Variants in DNAAF9 observed in about 807,000 individuals in gnomAD.
DNAAF9 encodes dynein axonemal assembly factor 9, also known as shulin.
A neutral mutation model predicts 167.0 loss-of-function variants in DNAAF9; 90 were observed. The ratio of observed to expected loss-of-function variants is 0.54; its 90% CI spans 0.45 to 0.64. The LOEUF (loss-of-function observed/expected upper bound fraction) is 0.64. Ranked by LOEUF, DNAAF9 falls within the 30% of genes least tolerant of loss-of-function variation. The pLI is 0.00. For missense variants in DNAAF9, 1,315 were observed against 1,442.2 expected (o/e 0.91, Z 1.43); for synonymous variants, 491 against 508.8 (o/e 0.96, Z 0.47).
chr20:3,394,670 A>G (rs239485), intron 1 of DNAAF9, among the ~76,000 whole-genome samples: 113,198 of 152,098 alleles, frequency 0.74, 42,324 homozygotes, highest in African/African-American at 0.82. Flanking sequence ...AGGAATGACT[A>G]TTCCAAGATC....
chr20:3,397,318 G>GCTTTGTT (rs2083923138), intron 1 of DNAAF9, among the ~76,000 whole-genome samples: 1 of 142,100 alleles, frequency 7.0e-6, no homozygotes, highest in African/African-American at 2.7e-5. Flanking sequence ...TTTTTGTTTT[G>GCTTTGTT]TTTTGTTTTT....
At chr20:3,351,118 C>G (rs1331189796) in intron 7 of DNAAF9, among the ~76,000 whole-genome samples, 1 of 152,114 alleles carries the variant, frequency 6.6e-6, no homozygotes, top group African/African-American at 2.4e-5. Flanking sequence ...CTGATTAAAC[C>G]TCTAGATTCA....
intron 23 of DNAAF9, chr20:3,295,836 A>T: frequency 1.1e-6 from 1 of 924,734 alleles, no homozygotes; most frequent in South Asian, 1.3e-5. Context: ...TCAGTAAACA[A>T]AGAGTTTAAT....
At chr20:3,293,450 C>T (rs367705979) in intron 25 of DNAAF9, among the ~76,000 whole-genome samples, 60 of 150,866 alleles carry the variant, frequency 4.0e-4, no homozygotes, top group African/African-American at 1.2e-3. Flanking sequence ...TTTGGGAGGC[C>T]GGGGTGGGCG....
At chr20:3,293,042 T>C (rs902488533) in intron 25 of DNAAF9, among the ~76,000 whole-genome samples, 1 of 149,554 alleles carries the variant, frequency 6.7e-6, no homozygotes, top group Non-Finnish European at 1.5e-5. Context: ...GCCAAGATTG[T>C]GCCATTGCAC....
At chr20:3,337,014 G>A (rs924108498) in intron 10 of DNAAF9, among the ~76,000 whole-genome samples, 1 of 150,726 alleles carries the variant, frequency 6.6e-6, no homozygotes, top group Non-Finnish European at 1.5e-5. Flanking sequence ...CAAGTAGCTG[G>A]GACTACAGGA....
intron 25 of DNAAF9, among the ~76,000 whole-genome samples, chr20:3,293,292 CAAAAAAAAAAA>C (rs1172725572): frequency 1.7e-4 from 4 of 22,862 alleles, no homozygotes; most frequent in Admixed American, 1.5e-3. Flanking sequence ...GACTCCGTCT[CAAAAAAAAAAA>C]AAAAAAAAAA....
intron 25 of DNAAF9, among the ~76,000 whole-genome samples, chr20:3,291,337 G>GTTTTT (rs1221157879): frequency 6.7e-6 from 1 of 148,658 alleles, no homozygotes; most frequent in African/African-American, 2.5e-5. Flanking sequence ...GCCTCTGTAA[G>GTTTTT]TTTTTTTGTT....
chr20:3,296,467 T>C (rs564431618), intron 23 of DNAAF9: 3 of 286,364 alleles, frequency 1.0e-5, no homozygotes, highest in African/African-American at 2.2e-5. Context: ...AACCTTGAAT[T>C]CCTGGGCTCA....
At chr20:3,265,576 GAAAAAAA>G (rs1228259726) in intron 30 of DNAAF9, among the ~76,000 whole-genome samples, 1 of 33,888 alleles carries the variant, frequency 3.0e-5, no homozygotes, top group Non-Finnish European at 6.3e-5. Context: ...CTCTGTCTCA[GAAAAAAA>G]AAAAAAAAAA....
At chr20:3,401,088 C>A (rs546052746) in intron 1 of DNAAF9, among the ~76,000 whole-genome samples, 3 of 152,294 alleles carry the variant, frequency 2.0e-5, no homozygotes, top group African/African-American at 7.2e-5. Context: ...GATCTGTAAA[C>A]CCTCCAAGAG....
At chr20:3,297,159 G>A (rs540539281) in intron 22 of DNAAF9, among the ~76,000 whole-genome samples, 1 of 152,196 alleles carries the variant, frequency 6.6e-6, no homozygotes, top group East Asian at 1.9e-4. Context: ...ACTCCCCCAG[G>A]GATTCTGCTC....
chr20:3,293,834 G>C (rs1373654766), intron 25 of DNAAF9, among the ~76,000 whole-genome samples: 1 of 152,142 alleles, frequency 6.6e-6, no homozygotes, highest in Non-Finnish European at 1.5e-5. Flanking sequence ...ATCAGGAAGA[G>C]CTGATGGCAT....
intron 12 of DNAAF9, among the ~76,000 whole-genome samples, chr20:3,328,178 GCT>G (rs2123068045): frequency 9.0e-6 from 1 of 110,682 alleles, no homozygotes; most frequent in African/African-American, 4.0e-5. Flanking sequence ...AGCCTGCATG[GCT>G]CTGTTTTTTT....
At chr20:3,270,836 G>A (rs1406193041) in intron 29 of DNAAF9, among the ~76,000 whole-genome samples, 20 of 147,466 alleles carry the variant, frequency 1.4e-4, no homozygotes, top group Admixed American at 8.8e-4. Flanking sequence ...TTTTTAAGAC[G>A]GTGTCTCACT....
chr20:3,343,616 CTTTG>C, intron 9 of DNAAF9, 56 bp downstream of exon 9: 1 of 1,396,648 alleles, frequency 7.2e-7, no homozygotes. Context: ...CAGCCAACCC[CTTTG>C]CCACCTCCAT....
At position 3,261,073 on chromosome 20, in the gene DNAAF9, GCT is replaced by G. The variant is rs73613617; in HGVS notation, c.2874-1047_2874-1046del. ...TCTATTTTCTTTGAGACAGGGTCTTGCTCTGTTGCTCAGGCTGGAGTGCAGTG... is the reference window on the plus strand; with the variant it reads ...TCTATTTTCTTTGAGACAGGGTCTTGCTGTTGCTCAGGCTGGAGTGCAGTG... On this transcript the variant is annotated intron_variant, in intron 31 of 36. Coordinates refer to ENST00000252032, the MANE Select transcript of DNAAF9 (RefSeq NM_001009984.3). Among the ~76,000 whole-genome samples the G allele has an allele frequency of 9.4e-4, 142 of 150,338 alleles. 1 individual carries two copies. The East Asian group carries it at 0.022, about 24-fold the overall frequency.
Position 3,282,380 on chromosome 20 carries a change from A to T in DNAAF9, c.2487-614T>A, listed in dbSNP as rs111718152. Reference sequence around the variant, plus strand: ...TCTGTCTTCAAAATATAACTAGAAGAGATCACTGCTTACACCCCCAAGCTC... The same window carrying T: ...TCTGTCTTCAAAATATAACTAGAAGTGATCACTGCTTACACCCCCAAGCTC... On this transcript the variant is annotated intron_variant, in intron 27 of 36. Transcript: ENST00000252032. Among the ~76,000 whole-genome samples, 209 of 152,338 alleles carry T rather than the reference A, an allele frequency of 1.4e-3. 1 individual carries two copies. The highest frequency in any genetic ancestry group is 2.7e-3 in the Non-Finnish European group (185 of 68,032).
At chr20:3,327,176 A>G (rs928480462) in intron 12 of DNAAF9, among the ~76,000 whole-genome samples, 2 of 152,166 alleles carry the variant, frequency 1.3e-5, no homozygotes, top group African/African-American at 2.4e-5. Flanking sequence ...TCAGGGAACC[A>G]CCTAAGGTGG....
Sources: allele counts gnomAD v4.1 joint callset (sites outside exome capture counted in the v4.1 genomes callset), GRCh38; gene constraint gnomAD v4.1.1; transcripts MANE v1.5; gene names NCBI Gene and HGNC (gene_info 2026-07-23, HGNC 2026-07-21).